CHRNA3: variants seen among roughly 807,000 people sequenced by gnomAD.
The protein encoded by CHRNA3 is cholinergic receptor nicotinic alpha 3 subunit, also known as neuronal acetylcholine receptor subunit alpha-3.
Under a neutral mutation model 41.9 loss-of-function variants are expected in CHRNA3, and 34 were observed. That is an observed-to-expected ratio of 0.81 (90% CI 0.62 to 1.08). The LOEUF (loss-of-function observed/expected upper bound fraction) is 1.08, where lower values mean the gene tolerates loss of function less well. Ranked by LOEUF, CHRNA3 falls within the 50% of genes least tolerant of loss-of-function variation. The pLI, the probability that CHRNA3 is intolerant of heterozygous loss-of-function variation, is 0.00. For synonymous variants in CHRNA3, 281 were observed against 265.2 expected (o/e 1.06, Z -0.58); for missense variants, 542 against 638.3 (o/e 0.85, Z 1.63).
chr15:78,609,674 C>T lies in CHRNA3; in HGVS notation c.377+7350G>A, dbSNP rs531672261. 2.9e-3 allele frequency among the ~76,000 whole-genome samples: 435 copies of T among 152,234 alleles called. 1 individual carries two copies. Among genetic ancestry groups the T allele is most frequent in the African/African-American group, 1.0e-2 (414 of 41,520 alleles). On this transcript the variant is annotated intron_variant, in intron 4 of 5. Coordinates refer to ENST00000326828, the MANE Select transcript of CHRNA3 (RefSeq NM_000743.5). The stretch of plus-strand genomic sequence containing the variant: ...GCTAGGAAGAAACTGCATCAACTAA[C>T]GAGCAAAATCACCAGCTAACATAAT...
chr15:78,607,725 G>GCT (rs1322299128), intron 4 of CHRNA3, among the ~76,000 whole-genome samples: 7 of 152,216 alleles, frequency 4.6e-5, no homozygotes, highest in African/African-American at 1.7e-4. Context: ...GTGGGTGCAG[G>GCT]ATAGTGGGTG....
chr15:78,601,361 A>G lies in CHRNA3; in HGVS notation c.1281T>C (p.Ser427=). 1 of 1,614,214 alleles carries G rather than the reference A, an allele frequency of 6.2e-7. No homozygotes were observed. Among genetic ancestry groups the G allele is most frequent in the Non-Finnish European group, 8.5e-7 (1 of 1,180,038 alleles). Residue 427 remains serine (S), a synonymous_variant, in exon 5 of 6, where the codon TCT becomes TCC. Coordinates refer to ENST00000326828, the MANE Select transcript of CHRNA3 (RefSeq NM_000743.5). ...ANLTRSSSSE[S]VDAVLSLSAL... is the part of the protein sequence containing the mutation. ...CAGAGAGGGACAGCACAGCATCAAC[A>G]GATTCAGAACTAGAGCTTCTCGTGA...
Position 78,620,728 on chromosome 15 carries a change from G to GCAGCAGAGA in CHRNA3, c.66_67insTCTCTGCTG (p.Leu22_Leu23insSerLeuLeu). The GCAGCAGAGA allele has an allele frequency of 5.6e-6, 1 of 178,094 alleles. No individual in the cohort carries two copies. The highest frequency in any genetic ancestry group is 1.1e-3 in the East Asian group (1 of 880). 11.0% of individuals were successfully genotyped at this position (178,094 alleles called of 1,614,324 possible). A position where few individuals can be genotyped will look rare whatever the true frequency, so the allele number is the denominator to read the frequency against. ...GTGCGCGTACCTGGCAGCAGAGACA[G>GCAGCAGAGA]CAGCAGCAGCAGCAGCAGCCGCGGC... On this transcript the variant is annotated inframe_insertion, in exon 1 of 6. Transcript: ENST00000326828.
At chr15:78,617,001 G>C in intron 4 of CHRNA3, 23 bp downstream of exon 4, 1 of 1,557,790 alleles carries the variant, frequency 6.4e-7, no homozygotes, top group Admixed American at 1.7e-5. Flanking sequence ...CCCTGAGAGG[G>C]CGTGGGCCCC....
downstream of CHRNA3, chr15:78,593,575 G>A (rs188919226): frequency 5.7e-6 from 1 of 175,282 alleles, no homozygotes; most frequent in Non-Finnish European, 1.2e-5. Flanking sequence ...CTGTGCTGGA[G>A]AATTCCAGTT....
At chr15:78,615,793 G>C (rs1401755691) in intron 4 of CHRNA3, among the ~76,000 whole-genome samples, 1 of 140,178 alleles carries the variant, frequency 7.1e-6, no homozygotes, top group African/African-American at 2.7e-5. Context: ...CCAGGCTGGA[G>C]TACAGTGGTG....
intron 4 of CHRNA3, among the ~76,000 whole-genome samples, chr15:78,611,242 A>G (rs1261248027): frequency 1.3e-5 from 2 of 152,244 alleles, no homozygotes; most frequent in Non-Finnish European, 2.9e-5. Context: ...TCCTCCTGAT[A>G]CCAAAGCTGG....
At chr15:78,602,369 C>T in intron 4 of CHRNA3, 105 bp from the exon 5 acceptor site, 3 of 1,277,834 alleles carry the variant, frequency 2.3e-6, no homozygotes, top group Non-Finnish European at 3.2e-6. Flanking sequence ...TTGGAAGGCA[C>T]TGGAAGATGA....
intron 4 of CHRNA3, among the ~76,000 whole-genome samples, chr15:78,609,722 A>G (rs1300360004): frequency 1.3e-5 from 2 of 152,230 alleles, no homozygotes; most frequent in African/African-American, 4.8e-5. Flanking sequence ...AAATTCACAC[A>G]TAACAATATT....
At chr15:78,602,679 TTCAG>T (rs1215160863) in intron 4 of CHRNA3, among the ~76,000 whole-genome samples, 3 of 152,142 alleles carry the variant, frequency 2.0e-5, no homozygotes, top group Admixed American at 2.0e-4. Flanking sequence ...CCTCTCCTCA[TTCAG>T]TCTGTACCGG....
chr15:78,619,906 G>A (rs1366562179), intron 1 of CHRNA3: 2 of 152,292 alleles, frequency 1.3e-5, no homozygotes, highest in Non-Finnish European at 1.5e-5. Context: ...GCAGGAGGTC[G>A]GTTGAGAGCG....
chr15:78,617,200 G>T, intron 3 of CHRNA3, 67 bp from the exon 4 acceptor site: 2 of 999,032 alleles, frequency 2.0e-6, no homozygotes, highest in Non-Finnish European at 1.5e-6. Flanking sequence ...ACTTCCCGTG[G>T]CACCACCCAT....
chr15:78,594,682 A>T (rs1376714089), downstream of CHRNA3: 1 of 152,246 alleles, frequency 6.6e-6, no homozygotes, highest in Non-Finnish European at 1.5e-5. Flanking sequence ...TGTCTCAAAC[A>T]TATTTTGGTC....
At chr15:78,604,603 A>G (rs73465013) in intron 4 of CHRNA3, among the ~76,000 whole-genome samples, 1 of 152,194 alleles carries the variant, frequency 6.6e-6, no homozygotes, top group Non-Finnish European at 1.5e-5. Context: ...GTCAACAGTC[A>G]TATCTCTACT....
chr15:78,620,716 G>A lies in CHRNA3; in HGVS notation c.79C>T (p.Pro27Ser), dbSNP rs1293886693. Residue 27 changes from proline to serine, a missense_variant, in exon 1 of 6, where the codon CCA becomes TCA. Transcript: ENST00000326828. ...GCCCTAACGCCTGTGCGCGTACCTG[G>A]CAGCAGAGACAGCAGCAGCAGCAGC... The part of the protein sequence containing the change: ...LLLLLLLSLL[P>S]VARASEAEHR... 6.7e-7 allele frequency: 1 copy of A among 1,489,374 alleles called. No individual in the cohort carries two copies. The highest frequency in any genetic ancestry group is 8.9e-7 in the Non-Finnish European group (1 of 1,129,692). 92.3% of individuals were successfully genotyped at this position (1,489,374 alleles called of 1,614,324 possible).
At chr15:78,614,251 A>G (rs1176752705) in intron 4 of CHRNA3, among the ~76,000 whole-genome samples, 1 of 152,166 alleles carries the variant, frequency 6.6e-6, no homozygotes, top group African/African-American at 2.4e-5. Context: ...CTTTTTGCTC[A>G]TTTTCTTAAT....
intron 4 of CHRNA3, among the ~76,000 whole-genome samples, chr15:78,613,162 C>T (rs1201288149): frequency 2.6e-5 from 4 of 152,078 alleles, no homozygotes; most frequent in Admixed American, 1.3e-4. Context: ...GTCAGTGTGC[C>T]GATTCCTCAG....
chr15:78,616,978 C>A (rs199832906), intron 4 of CHRNA3, 46 bp downstream of exon 4: 3 of 1,407,734 alleles, frequency 2.1e-6, no homozygotes, highest in Admixed American at 3.7e-5. Context: ...AAACCCAGAG[C>A]CCAGGCTGAC....
chr15:78,609,101 A>T (rs1446269574), intron 4 of CHRNA3, among the ~76,000 whole-genome samples: 1 of 152,228 alleles, frequency 6.6e-6, no homozygotes, highest in African/African-American at 2.4e-5. Flanking sequence ...TCTACATCTG[A>T]TTGGTGTACC....
Sources: gnomAD v4.1 joint callset for allele counts (sites outside exome capture counted in the v4.1 genomes callset) on GRCh38, gnomAD v4.1.1 for gene constraint, MANE v1.5 for transcripts, NCBI Gene and HGNC (gene_info 2026-07-23, HGNC 2026-07-21) for gene names.